ZNF536: variants seen among roughly 807,000 people sequenced by gnomAD.
ZNF536 encodes the protein zinc finger protein 536.
ZNF536 carries 13 observed loss-of-function variants against 84.5 expected under a neutral mutation model. That is an observed-to-expected ratio of 0.15 (90% CI 0.10 to 0.24). The LOEUF is 0.24. ZNF536 is among the 10% of genes least tolerant of loss of function. The pLI is 1.00. For missense variants in ZNF536, 1,536 were observed against 1,747.5 expected, an observed-to-expected ratio of 0.88 and a Z score of 2.16; for synonymous variants, 811 against 742.5, an observed-to-expected ratio of 1.09 and a Z score of -1.50.
In ZNF536 at chr19:30,641,169, C is replaced by T. The variant is rs566228902; in HGVS notation, c.170-69588C>T. On this transcript the variant is annotated intron_variant, in intron 1 of 1. Transcript: ENST00000592773. The stretch of plus-strand genomic sequence containing the variant: ...CTTTTTCACAAAAAATGGAAGTTAA[C>T]TGAAGCTTACTTTTAATATACTACA... Among the ~76,000 whole-genome samples, 47 of 152,270 alleles carry T rather than the reference C, an allele frequency of 3.1e-4. No individual in the cohort carries two copies. In the South Asian group the frequency reaches 7.3e-3, roughly 24 times the overall value.
chr19:30,368,897 G>A (rs2048523415), upstream of ZNF536, among the ~76,000 whole-genome samples: 3 of 152,314 alleles, frequency 2.0e-5, no homozygotes, highest in South Asian at 4.1e-4. Flanking sequence ...TTTTGCAAAC[G>A]TAGACCCTGA....
intron 1 of ZNF536, among the ~76,000 whole-genome samples, chr19:30,641,855 G>A (rs1338497844): frequency 1.3e-5 from 2 of 152,216 alleles, no homozygotes; most frequent in Non-Finnish European, 2.9e-5. Flanking sequence ...CTAGAGGATG[G>A]CAGTAGAGTG....
At chr19:30,643,663 G>GC (rs995702648) in intron 1 of ZNF536, among the ~76,000 whole-genome samples, 1 of 152,054 alleles carries the variant, frequency 6.6e-6, no homozygotes, top group African/African-American at 2.4e-5. Context: ...TCTGCAGGGG[G>GC]GGGTTTTGGG....
At chr19:30,671,285 T>C (rs2050541935) in intron 1 of ZNF536, among the ~76,000 whole-genome samples, 1 of 152,156 alleles carries the variant, frequency 6.6e-6, no homozygotes, top group East Asian at 1.9e-4. Flanking sequence ...GAGGAAATTG[T>C]TAGGTGCCCG....
chr19:30,393,965 C>T (rs2049706303), intron 1 of ZNF536, among the ~76,000 whole-genome samples: 1 of 152,116 alleles, frequency 6.6e-6, no homozygotes, highest in South Asian at 2.1e-4. Context: ...AGATGTGAAA[C>T]ATGTGTGGGA....
At chr19:30,484,871 C>T (rs1037730594) in intron 2 of ZNF536, among the ~76,000 whole-genome samples, 26 of 151,804 alleles carry the variant, frequency 1.7e-4, no homozygotes, top group African/African-American at 6.3e-4. Flanking sequence ...TTGCCGGGCG[C>T]GGTGGCTCAC....
At chr19:30,277,539 C>T (rs2045279295) in intron 1 of ZNF536, among the ~76,000 whole-genome samples, 1 of 152,192 alleles carries the variant, frequency 6.6e-6, no homozygotes, top group African/African-American at 2.4e-5. Context: ...CGTGTCTGGG[C>T]AGCCCTACGC....
At chr19:30,305,556 G>GC (rs1449552700) in intron 2 of ZNF536, among the ~76,000 whole-genome samples, 14 of 152,320 alleles carry the variant, frequency 9.2e-5, no homozygotes, top group Non-Finnish European at 1.8e-4. Flanking sequence ...CTGAGCCTCA[G>GC]CCCCCTTCAT....
intron 4 of ZNF536, among the ~76,000 whole-genome samples, chr19:30,552,033 G>GT (rs113067956): frequency 0.031 from 4,619 of 149,210 alleles, 181 homozygotes; most frequent in African/African-American, 0.094. Context: ...CAAATGGGCT[G>GT]TTTTTTTTTT....
intron 1 of ZNF536, among the ~76,000 whole-genome samples, chr19:30,612,902 A>G (rs537313408): frequency 4.6e-5 from 7 of 152,324 alleles, no homozygotes; most frequent in African/African-American, 1.2e-4. Context: ...CCAGGACTTC[A>G]TGTTGAATTT....
rs145969756 is a variant in ZNF536, at chr19:30,528,175, C to A, written c.2171-6672C>A. ...GAGTTAGTCACCTTACCCATGCGTGCTTGCTGGGGTAACTCTCCAGTCACC... is the reference window on the plus strand; with the variant it reads ...GAGTTAGTCACCTTACCCATGCGTGATTGCTGGGGTAACTCTCCAGTCACC... On this transcript the variant is annotated intron_variant, in intron 2 of 4. Coordinates refer to ENST00000355537, the MANE Select transcript of ZNF536 (RefSeq NM_014717.3). 3.3e-4 allele frequency among the ~76,000 whole-genome samples: 51 copies of A among 152,268 alleles called. 1 individual carries two copies. The highest frequency in any genetic ancestry group is 1.2e-3 in the African/African-American group (50 of 41,550).
At chr19:30,340,503 T>C (rs902933464) in intron 2 of ZNF536, among the ~76,000 whole-genome samples, 12 of 152,196 alleles carry the variant, frequency 7.9e-5, no homozygotes, top group African/African-American at 2.9e-4. Flanking sequence ...TGACTTTTTA[T>C]ATATATCTCA....
chr19:30,659,785 T>C (rs569028454), intron 1 of ZNF536, among the ~76,000 whole-genome samples: 2 of 148,454 alleles, frequency 1.3e-5, no homozygotes, highest in African/African-American at 2.6e-5. Context: ...GAAATTTGGG[T>C]GGGGACACAG....
chr19:30,645,430 TA>T (rs888142610), intron 1 of ZNF536, among the ~76,000 whole-genome samples: 4 of 152,178 alleles, frequency 2.6e-5, no homozygotes, highest in East Asian at 3.9e-4. Flanking sequence ...GGCATTTCTT[TA>T]AAAAAATTTT....
chr19:30,471,670 G>A (rs983050667), intron 2 of ZNF536, among the ~76,000 whole-genome samples: 4 of 152,202 alleles, frequency 2.6e-5, no homozygotes, highest in Non-Finnish European at 4.4e-5. Flanking sequence ...ACAGTATCAC[G>A]GGCAGAGGAT....
chr19:30,560,717 G>GA (rs545073801), downstream of ZNF536, among the ~76,000 whole-genome samples: 106 of 152,344 alleles, frequency 7.0e-4, no homozygotes, highest in Admixed American at 2.4e-3. Flanking sequence ...CACATGTTCG[G>GA]AAGTGTGTTT....
chr19:30,298,546 A>C (rs995420911), intron 2 of ZNF536, among the ~76,000 whole-genome samples: 1 of 152,218 alleles, frequency 6.6e-6, no homozygotes, highest in Non-Finnish European at 1.5e-5. Flanking sequence ...ACTGCAGAAG[A>C]ACGGTGTGCT....
At chr19:30,609,773 C>CCCAT (rs34324485) in intron 1 of ZNF536, among the ~76,000 whole-genome samples, 99,293 of 136,506 alleles carry the variant, frequency 0.73, 35,706 homozygotes, top group East Asian at 0.93. Context: ...CACCCATCTA[C>CCCAT]CCATCCATCC....
intron 1 of ZNF536, among the ~76,000 whole-genome samples, chr19:30,411,105 C>CA (rs928223898): frequency 2.6e-5 from 4 of 151,978 alleles, no homozygotes; most frequent in Non-Finnish European, 5.9e-5. Context: ...AAAAATGCTG[C>CA]AAAAAAATTT....
Sources: gnomAD v4.1 joint callset for allele counts (sites outside exome capture counted in the v4.1 genomes callset) on GRCh38, gnomAD v4.1.1 for gene constraint, MANE v1.5 for transcripts, NCBI Gene and HGNC (gene_info 2026-07-23, HGNC 2026-07-21) for gene names.